DMTF1: variants seen among roughly 807,000 people sequenced by gnomAD.
DMTF1 encodes cyclin-D-binding Myb-like transcription factor 1.
A neutral mutation model predicts 91.1 loss-of-function variants in DMTF1; 39 were observed. The observed-to-expected ratio is 0.43, with a 90% CI of 0.33 to 0.56. The LOEUF is 0.56. Ranked by LOEUF, DMTF1 falls within the 20% of genes least tolerant of loss-of-function variation. DMTF1 has a pLI of 0.05. For missense variants in DMTF1, 750 were observed against 914.5 expected, an observed-to-expected ratio of 0.82 and a Z score of 2.32; for synonymous variants, 338 against 309.5, an observed-to-expected ratio of 1.09 and a Z score of -0.97.
chr7:87,152,616 C>T (rs888730160), intron 1 of DMTF1, 61 bp downstream of exon 1: 4 of 152,796 alleles, frequency 2.6e-5, no homozygotes, highest in African/African-American at 9.6e-5. Context: ...CCAGTGGAGC[C>T]TGTCCGGCCC....
chr7:87,172,372 C>G (rs1483436902), intron 5 of DMTF1, among the ~76,000 whole-genome samples: 2 of 152,190 alleles, frequency 1.3e-5, no homozygotes, highest in African/African-American at 4.8e-5. Context: ...GATTCAAAAA[C>G]GCTTTCATAA....
Position 87,153,558 on chromosome 7 carries a change from C to T in DMTF1, c.-132+1003C>T, listed in dbSNP as rs532525449. Among the ~76,000 whole-genome samples, 3 of 152,248 alleles carry T rather than the reference C, an allele frequency of 2.0e-5. No homozygotes were observed. In the East Asian group the frequency reaches 5.8e-4, roughly 29 times the overall value. On this transcript the variant is annotated intron_variant, in intron 1 of 17. Transcript: ENST00000331242. The stretch of plus-strand genomic sequence containing the variant: ...AAGGATAATAGTATACAGTATGAGT[C>T]AGGACTCCTCCCTTTCTCTCATTGA...
chr7:87,157,127 A>C (rs1790945974), intron 1 of DMTF1, among the ~76,000 whole-genome samples: 2 of 152,112 alleles, frequency 1.3e-5, no homozygotes, highest in African/African-American at 4.8e-5. Context: ...AGGAGAAAAA[A>C]ACATCTGAAA....
At chr7:87,165,312 G>A (rs1793583639) in intron 3 of DMTF1, among the ~76,000 whole-genome samples, 1 of 152,258 alleles carries the variant, frequency 6.6e-6, no homozygotes, top group African/African-American at 2.4e-5. Flanking sequence ...GGTACCAGCA[G>A]CATAGTTAAT....
In DMTF1 at chr7:87,196,247, G is replaced by GT. The variant is rs1801205584; in HGVS notation, c.*1108dup. 1 of 156,900 alleles carries GT rather than the reference G, an allele frequency of 6.4e-6. No homozygotes were observed. Among genetic ancestry groups the GT allele is most frequent in the African/African-American group, 2.4e-5 (1 of 41,614 alleles). The allele number at this position is 156,900 out of a possible 1,614,324, so 9.7% of individuals were successfully genotyped here. On this transcript the variant is annotated 3_prime_UTR_variant, in exon 18 of 18. Transcript: ENST00000331242. Reference sequence around the variant, plus strand: ...TGTTTTGTCAACGTGAAATTAAATTGTAGTTATAAGCAAAAGTTGGTTGCC... The same window carrying GT: ...TGTTTTGTCAACGTGAAATTAAATTGTTAGTTATAAGCAAAAGTTGGTTGCC...
At chr7:87,156,985 A>G (rs1034035877) in intron 1 of DMTF1, among the ~76,000 whole-genome samples, 7 of 152,308 alleles carry the variant, frequency 4.6e-5, no homozygotes, top group South Asian at 2.1e-4. Flanking sequence ...CTCCTGATAC[A>G]GTAAGTACAA....
At chr7:87,183,995 A>G (rs1251989781) in intron 10 of DMTF1, among the ~76,000 whole-genome samples, 10 of 152,182 alleles carry the variant, frequency 6.6e-5, no homozygotes. Flanking sequence ...TCTTGAACTT[A>G]CTTTTGCAGA....
At chr7:87,181,960 G>A in intron 9 of DMTF1, 1 of 1,360,796 alleles carries the variant, frequency 7.3e-7, no homozygotes. Context: ...GTAACCTGAG[G>A]GGAAATTGGT....
rs766521543 is a variant in DMTF1 at position 87,193,193 on chromosome 7, T to C, written c.1495-5T>C. 1 of 1,612,888 alleles carries C rather than the reference T, an allele frequency of 6.2e-7. No individual in the cohort carries two copies. The highest frequency in any genetic ancestry group is 1.7e-5 in the Admixed American group (1 of 59,866). ...TTGTTAAACTATCTTTCCTTTTTCC[T>C]TTAGTCTTTCCATCTACAGCCCACT... On this transcript the variant is annotated splice_polypyrimidine_tract_variant and splice_region_variant and intron_variant, in intron 14 of 17. Transcript: ENST00000331242.
At chr7:87,152,585 C>A (rs1789397317) in intron 1 of DMTF1, 30 bp downstream of exon 1, 1 of 152,746 alleles carries the variant, frequency 6.5e-6, no homozygotes, top group African/African-American at 2.4e-5. Flanking sequence ...CAGGTTCCAA[C>A]CGCCGCCAGG....
intron 1 of DMTF1, among the ~76,000 whole-genome samples, chr7:87,161,421 G>C (rs889065098): frequency 1.3e-5 from 2 of 152,206 alleles, no homozygotes; most frequent in East Asian, 3.8e-4. Flanking sequence ...AGAATCACTT[G>C]AACCTGGGAG....
intron 14 of DMTF1, 91 bp from the exon 15 acceptor site, chr7:87,193,107 T>A: frequency 1.5e-6 from 2 of 1,365,352 alleles, no homozygotes; most frequent in Non-Finnish European, 2.1e-6. Flanking sequence ...AATGGGTAAG[T>A]ACATTTGTGT....
At chr7:87,175,028 T>TTG (rs1299891869) in intron 7 of DMTF1, among the ~76,000 whole-genome samples, 2 of 151,524 alleles carry the variant, frequency 1.3e-5, no homozygotes, top group African/African-American at 4.8e-5. Flanking sequence ...GTTTTTGTTT[T>TTG]TTTTTTTTTT....
Position 87,193,408 on chromosome 7 carries a change from T to A in DMTF1, c.1650+55T>A. 2.5e-6 allele frequency: 4 copies of A among 1,572,282 alleles called. No individual in the cohort carries two copies. In the Admixed American group the frequency reaches 6.7e-5, roughly 26 times the overall value. On this transcript the variant is annotated intron_variant, in intron 15 of 17. Transcript: ENST00000331242. ...GTACCTGTTATAGACCAGGATTAGT[T>A]GATAAGGACCAAAATAGAAGGTAGT...
At chr7:87,190,905 TA>T in intron 13 of DMTF1, 39 bp from the exon 14 acceptor site, 1 of 1,523,960 alleles carries the variant, frequency 6.6e-7, no homozygotes. Flanking sequence ...ACATTTATTG[TA>T]AATTATTCTT....
intron 11 of DMTF1, 99 bp from the exon 12 acceptor site, chr7:87,185,730 C>T: frequency 1.5e-6 from 2 of 1,331,104 alleles, no homozygotes; most frequent in Admixed American, 1.8e-5. Flanking sequence ...CATAACCTGC[C>T]ATTCCCTTTA....
At chr7:87,194,603 A>G (rs1800793826) in intron 16 of DMTF1, 81 bp from the exon 17 acceptor site, 1 of 1,039,846 alleles carries the variant, frequency 9.6e-7, no homozygotes. Flanking sequence ...GTTTAAGTCT[A>G]ACCTATACAT....
At chr7:87,179,415 T>C (rs376847345) in intron 7 of DMTF1, 130 bp from the exon 8 acceptor site, 5 of 623,670 alleles carry the variant, frequency 8.0e-6, no homozygotes, top group African/African-American at 1.9e-5. Context: ...GATTTATTAA[T>C]GAATTAGTGA....
chr7:87,168,313 T>G (rs1347784207), intron 4 of DMTF1, among the ~76,000 whole-genome samples: 1 of 152,226 alleles, frequency 6.6e-6, no homozygotes, highest in Non-Finnish European at 1.5e-5. Flanking sequence ...GATGATTCTT[T>G]CAGTACCTTA....
Sources: gnomAD v4.1 joint callset for allele counts (sites outside exome capture counted in the v4.1 genomes callset) on GRCh38, gnomAD v4.1.1 for gene constraint, MANE v1.5 for transcripts, NCBI Gene and HGNC (gene_info 2026-07-23, HGNC 2026-07-21) for gene names.